The following FAXC variants were observed in gnomAD, a reference collection of about 807,000 sequenced individuals.
FAXC encodes failed axon connections homolog.
In FAXC, 10 loss-of-function variants were observed where a neutral mutation model predicts 41.9. The observed-to-expected ratio is 0.24, with a 90% CI of 0.15 to 0.41. The LOEUF (loss-of-function observed/expected upper bound fraction) is 0.41. Among genes scored for constraint, FAXC ranks in the 10% least tolerant of loss-of-function variants. The probability of loss-of-function intolerance (pLI) is 1.00; values close to 1 mark genes in which losing one functional copy is unlikely to be tolerated. For missense variants in FAXC, 399 were observed against 510.9 expected (o/e 0.78, Z 2.11); for synonymous variants, 183 against 183.8 (o/e 1.00, Z 0.03).
chr6:99,322,767 G>A (rs1360613454), intron 4 of FAXC, among the ~76,000 whole-genome samples: 6 of 152,286 alleles, frequency 3.9e-5, no homozygotes, highest in Middle Eastern at 3.4e-3. Flanking sequence ...CCCCTCAACC[G>A]GTCAGGGGAG....
intron 3 of FAXC, 77 bp downstream of exon 3, chr6:99,333,274 T>C: frequency 1.6e-6 from 2 of 1,254,200 alleles, no homozygotes; most frequent in South Asian, 1.5e-5. Flanking sequence ...GCTGAAACGG[T>C]GGAAAGAGGA....
intron 5 of FAXC, among the ~76,000 whole-genome samples, chr6:99,291,338 G>A (rs552749537): frequency 6.6e-6 from 1 of 152,322 alleles, no homozygotes; most frequent in African/African-American, 2.4e-5. Flanking sequence ...ATTGCCCAAA[G>A]GAAATTAAGG....
At chr6:99,324,777 C>T (rs1019088399) in intron 3 of FAXC, among the ~76,000 whole-genome samples, 2 of 152,088 alleles carry the variant, frequency 1.3e-5, no homozygotes, top group Non-Finnish European at 2.9e-5. Context: ...CAGCTGTGTG[C>T]GAGTACAGGC....
chr6:99,293,019 C>A (rs2128450376), intron 4 of FAXC, among the ~76,000 whole-genome samples: 1 of 152,276 alleles, frequency 6.6e-6, no homozygotes, highest in East Asian at 1.9e-4. Context: ...GTTGGCCATG[C>A]TGATCTTGAA....
Position 99,283,948 on chromosome 6 carries a change from C to T in FAXC, c.941-2495G>A, listed in dbSNP as rs552591190. ...ACTTCATTGATGGCCTTTCTTTCTA[C>T]AGGCTTGTTTCTTCACCTTTCTCCA... On this transcript the variant is annotated intron_variant, in intron 5 of 5. Transcript: ENST00000389677. Among the ~76,000 whole-genome samples, 17 of 152,296 alleles carry T rather than the reference C, an allele frequency of 1.1e-4. No homozygotes were observed. In the South Asian group the frequency reaches 2.9e-3, roughly 26 times the overall value.
At chr6:99,333,647 G>A in intron 2 of FAXC, 100 bp from the exon 3 acceptor site, 1 of 1,005,350 alleles carries the variant, frequency 9.9e-7, no homozygotes, top group Non-Finnish European at 1.4e-6. Flanking sequence ...GTTTGATAGT[G>A]ACAGTACTAC....
At chr6:99,346,067 AG>A (rs1282133801) in intron 1 of FAXC, among the ~76,000 whole-genome samples, 1 of 152,212 alleles carries the variant, frequency 6.6e-6, no homozygotes, top group East Asian at 1.9e-4. Flanking sequence ...AGGCTGGGGA[AG>A]AGTTTGCAAT....
At chr6:99,292,108 C>A (rs1448539831) in intron 4 of FAXC, among the ~76,000 whole-genome samples, 1 of 152,186 alleles carries the variant, frequency 6.6e-6, no homozygotes, top group Non-Finnish European at 1.5e-5. Flanking sequence ...CACCACCAGA[C>A]CTCTGGGAAC....
At chr6:99,315,105 A>C (rs1400326595) in intron 4 of FAXC, among the ~76,000 whole-genome samples, 1 of 151,574 alleles carries the variant, frequency 6.6e-6, no homozygotes, top group East Asian at 1.9e-4. Context: ...GTGGTGCCGC[A>C]CACCTGTAAT....
At chr6:99,294,296 C>A (rs1771378756) in intron 4 of FAXC, among the ~76,000 whole-genome samples, 1 of 152,218 alleles carries the variant, frequency 6.6e-6, no homozygotes. Flanking sequence ...CCTGAGGGTG[C>A]ATCCCGCTGG....
Position 99,330,071 on chromosome 6 carries a change from G to T in FAXC, c.599+3280C>A, listed in dbSNP as rs144542389. Among the ~76,000 whole-genome samples, 93 of 151,506 alleles carry T rather than the reference G, an allele frequency of 6.1e-4. 2 individuals carry two copies. In the East Asian group the frequency reaches 0.016, roughly 27 times the overall value. ...GAGAGGGTTTTGCCATGTTGCCCAG[G>T]GTGGTCTCGAACTCCTGGGCTCAAG... On this transcript the variant is annotated intron_variant, in intron 3 of 5. Coordinates refer to ENST00000389677, the MANE Select transcript of FAXC (RefSeq NM_032511.4).
rs562999113 is a variant in FAXC, at chr6:99,277,172, G to A, written c.*3992C>T. The A allele has an allele frequency of 6.6e-6, 1 of 152,582 alleles. No homozygotes were observed. The highest frequency in any genetic ancestry group is 1.9e-4 in the East Asian group (1 of 5,192). The allele number at this position is 152,582 out of a possible 1,614,324, so 9.5% of individuals were successfully genotyped here. On this transcript the variant is annotated 3_prime_UTR_variant, in exon 6 of 6. Coordinates refer to ENST00000389677, the MANE Select transcript of FAXC (RefSeq NM_032511.4). ...CTGGCTGCACTGGATGGCTCCCATGGAGGAGCTATGGAGACAAGGTGAACA... is the reference window on the plus strand; with the variant it reads ...CTGGCTGCACTGGATGGCTCCCATGAAGGAGCTATGGAGACAAGGTGAACA...
chr6:99,316,390 C>G (rs1185768415), intron 4 of FAXC, among the ~76,000 whole-genome samples: 1 of 152,030 alleles, frequency 6.6e-6, no homozygotes, highest in African/African-American at 2.4e-5. Flanking sequence ...TCCCCCTCCC[C>G]CTGCCTATTT....
intron 4 of FAXC, among the ~76,000 whole-genome samples, chr6:99,293,609 T>C (rs964850882): frequency 1.3e-5 from 2 of 151,828 alleles, no homozygotes; most frequent in Non-Finnish European, 2.9e-5. Context: ...AGATATATCC[T>C]GCCTCTTGTC....
At chr6:99,286,022 T>TGCCA (rs1771016652) in intron 5 of FAXC, among the ~76,000 whole-genome samples, 1 of 152,194 alleles carries the variant, frequency 6.6e-6, no homozygotes, top group African/African-American at 2.4e-5. Flanking sequence ...CAGCAGCACC[T>TGCCA]GCCAGCCCTT....
chr6:99,329,871 C>T (rs1342162732), intron 3 of FAXC, among the ~76,000 whole-genome samples: 1 of 149,704 alleles, frequency 6.7e-6, no homozygotes, highest in African/African-American at 2.4e-5. Context: ...TGCACGCGTG[C>T]ACACATACAC....
intron 4 of FAXC, among the ~76,000 whole-genome samples, chr6:99,319,985 T>A (rs994705452): frequency 2.0e-5 from 3 of 152,226 alleles, no homozygotes; most frequent in Admixed American, 6.5e-5. Context: ...TCCTTTCCAA[T>A]ACAAAGATAT....
At chr6:99,290,819 T>C (rs1230925896) in intron 5 of FAXC, among the ~76,000 whole-genome samples, 1 of 151,922 alleles carries the variant, frequency 6.6e-6, no homozygotes, top group Non-Finnish European at 1.5e-5. Flanking sequence ...TTTGCTTTTT[T>C]TTTTTAATTT....
intron 4 of FAXC, among the ~76,000 whole-genome samples, chr6:99,294,402 G>A (rs1771391944): frequency 6.6e-6 from 1 of 152,220 alleles, no homozygotes; most frequent in African/African-American, 2.4e-5. Flanking sequence ...GCTAGGGCAG[G>A]AGGGGGTGTT....
Sources: gnomAD v4.1 joint callset for allele counts (sites outside exome capture counted in the v4.1 genomes callset) on GRCh38, gnomAD v4.1.1 for gene constraint, MANE v1.5 for transcripts, NCBI Gene and HGNC (gene_info 2026-07-23, HGNC 2026-07-21) for gene names.